The following FRMD3 variants were observed in gnomAD, a reference collection of about 807,000 sequenced individuals.
FRMD3 encodes the protein FERM domain containing 3.
FRMD3 carries 33 observed loss-of-function variants against 70.2 expected under a neutral mutation model. The ratio of observed to expected loss-of-function variants is 0.47; its 90% confidence interval spans 0.36 to 0.63. The LOEUF (loss-of-function observed/expected upper bound fraction) is 0.63. Ranked by LOEUF, FRMD3 falls within the 20% of genes least tolerant of loss-of-function variation. The pLI, the probability that FRMD3 is intolerant of heterozygous loss-of-function variation, is 0.00. For synonymous variants in FRMD3, 279 were observed against 255.9 expected (o/e 1.09, Z -0.86); for missense variants, 632 against 711.4 (o/e 0.89, Z 1.27).
chr9:83,362,266 T>C (rs1824616022), intron 3 of FRMD3, among the ~76,000 whole-genome samples: 1 of 152,100 alleles, frequency 6.6e-6, no homozygotes, highest in African/African-American at 2.4e-5. Flanking sequence ...GAGAGCTATT[T>C]GTTAGATTAG....
At chr9:83,413,787 A>C (rs1196408051) in intron 1 of FRMD3, among the ~76,000 whole-genome samples, 1 of 152,148 alleles carries the variant, frequency 6.6e-6, no homozygotes, top group African/African-American at 2.4e-5. Flanking sequence ...TAGATGACAG[A>C]CTCAACTAGA....
At chr9:83,454,365 C>T (rs1041679334) in intron 1 of FRMD3, among the ~76,000 whole-genome samples, 14 of 152,164 alleles carry the variant, frequency 9.2e-5, no homozygotes, top group Non-Finnish European at 1.9e-4. Flanking sequence ...CAACCTGGCT[C>T]TTGGCTGGGC....
intron 12 of FRMD3, among the ~76,000 whole-genome samples, chr9:83,297,089 T>C (rs1834701661): frequency 6.6e-6 from 1 of 152,240 alleles, no homozygotes; most frequent in South Asian, 2.1e-4. Context: ...AAAAAAATTC[T>C]TTATTGACCT....
At chr9:83,256,593 GA>G (rs1832719445) in intron 13 of FRMD3, among the ~76,000 whole-genome samples, 1 of 152,024 alleles carries the variant, frequency 6.6e-6, no homozygotes, top group African/African-American at 2.4e-5. Flanking sequence ...AAAAATGGGA[GA>G]AAATTTTTGC....
At chr9:83,510,476 C>T (rs1829314442) in intron 1 of FRMD3, among the ~76,000 whole-genome samples, 1 of 152,150 alleles carries the variant, frequency 6.6e-6, no homozygotes, top group Non-Finnish European at 1.5e-5. Flanking sequence ...GGCAGTTCCT[C>T]GAGAGGTTAA....
intron 2 of FRMD3, among the ~76,000 whole-genome samples, chr9:83,386,041 G>T (rs942917724): frequency 4.6e-5 from 7 of 152,054 alleles, no homozygotes; most frequent in Non-Finnish European, 1.0e-4. Context: ...AGATACTCAA[G>T]GTGTACCATG....
In FRMD3 at chr9:83,245,533, A is replaced by ATGTT. The variant is rs1832050975; in HGVS notation, c.*2381_*2384dup. On this transcript the variant is annotated 3_prime_UTR_variant, in exon 14 of 14. Transcript: ENST00000304195. ...AAGAGAAAAGAGATGTTAGCTGGAA[A>ATGTT]TGTTAAAATAATATATTTATTACTC... The ATGTT allele has an allele frequency of 1.0e-6, 1 of 960,698 alleles. No individual in the cohort carries two copies. The highest frequency in any genetic ancestry group is 1.8e-5 in the African/African-American group (1 of 56,666). 59.5% of individuals were successfully genotyped at this position (960,698 alleles called of 1,614,324 possible).
intron 1 of FRMD3, among the ~76,000 whole-genome samples, chr9:83,413,231 C>A (rs551598464): frequency 7.2e-5 from 11 of 152,176 alleles, no homozygotes; most frequent in African/African-American, 2.2e-4. Context: ...CAAGTGGTAA[C>A]CACTCTCTCA....
chr9:83,391,572 A>G (rs1693591102), intron 1 of FRMD3, among the ~76,000 whole-genome samples: 1 of 152,206 alleles, frequency 6.6e-6, no homozygotes, highest in Admixed American at 6.5e-5. Flanking sequence ...CATGACAGAT[A>G]CTGCTGTCAT....
intron 1 of FRMD3, among the ~76,000 whole-genome samples, chr9:83,444,910 G>A (rs1037573616): frequency 6.6e-6 from 1 of 152,186 alleles, no homozygotes; most frequent in Non-Finnish European, 1.5e-5. Flanking sequence ...GCATGATCCT[G>A]CAACAACTAT....
intron 6 of FRMD3, among the ~76,000 whole-genome samples, chr9:83,321,142 T>G (rs920678566): frequency 2.8e-5 from 3 of 106,942 alleles, no homozygotes; most frequent in Non-Finnish European, 6.5e-5. Flanking sequence ...AAGAACCAAC[T>G]TTTTGTTTGG....
chr9:83,243,585 C>G (rs1387298096), downstream of FRMD3, among the ~76,000 whole-genome samples: 1 of 152,158 alleles, frequency 6.6e-6, no homozygotes, highest in Non-Finnish European at 1.5e-5. Context: ...CAGACACTAA[C>G]CCAAAGGCAC....
At chr9:83,307,212 T>C (rs1835166889) in intron 10 of FRMD3, among the ~76,000 whole-genome samples, 1 of 152,164 alleles carries the variant, frequency 6.6e-6, no homozygotes, top group African/African-American at 2.4e-5. Context: ...ATGGTTTCAT[T>C]CAAGAAAGAA....
intron 10 of FRMD3, among the ~76,000 whole-genome samples, chr9:83,303,333 T>C (rs1335115161): frequency 6.6e-6 from 1 of 152,234 alleles, no homozygotes; most frequent in African/African-American, 2.4e-5. Context: ...AGAGGTTTAA[T>C]CACTTTACCA....
At chr9:83,581,578 T>TA in the FRMD3 span, among the ~76,000 whole-genome samples, 1 of 152,190 alleles carries the variant, frequency 6.6e-6, no homozygotes, top group Non-Finnish European at 1.5e-5. Context: ...AACACAGACT[T>TA]ACCATATGAT....
chr9:83,383,887 G>A (rs4084066), intron 2 of FRMD3, among the ~76,000 whole-genome samples: 58,075 of 152,052 alleles, frequency 0.38, 11,598 homozygotes, highest in Admixed American at 0.47. Flanking sequence ...TCCCTCCTCA[G>A]GAGAGGATAT....
chr9:83,436,535 G>A lies in FRMD3; in HGVS notation c.148-46827C>T, dbSNP rs541354786. ...AACTAGCAAAGAAAATCTTGCTTCA[G>A]GAAGCAATAAAGAGATCATTTGAAA... is the stretch of plus-strand genomic sequence containing the variant. On this transcript the variant is annotated intron_variant, in intron 1 of 13. Coordinates refer to ENST00000304195, the MANE Select transcript of FRMD3 (RefSeq NM_174938.6). Among the ~76,000 whole-genome samples the A allele has an allele frequency of 2.5e-3, 377 of 150,210 alleles. 1 individual carries two copies. The highest frequency in any genetic ancestry group is 4.9e-3 in the Admixed American group (74 of 14,972).
intron 3 of FRMD3, among the ~76,000 whole-genome samples, chr9:83,352,551 C>T (rs1179850727): frequency 6.6e-6 from 1 of 152,204 alleles, no homozygotes; most frequent in Non-Finnish European, 1.5e-5. Flanking sequence ...TCACTTCAAG[C>T]TCTGAGGCTC....
At chr9:83,431,123 C>T (rs1223979384) in intron 1 of FRMD3, among the ~76,000 whole-genome samples, 1 of 152,178 alleles carries the variant, frequency 6.6e-6, no homozygotes, top group Non-Finnish European at 1.5e-5. Flanking sequence ...GGAAGGAGCA[C>T]GTTCATTTCA....
Sources: gnomAD v4.1 joint callset for allele counts (sites outside exome capture counted in the v4.1 genomes callset) on GRCh38, gnomAD v4.1.1 for gene constraint, MANE v1.5 for transcripts, NCBI Gene and HGNC (gene_info 2026-07-23, HGNC 2026-07-21) for gene names.